Variants in CLYBL observed in about 807,000 individuals in gnomAD.
CLYBL encodes citramalyl-CoA lyase, mitochondrial.
A neutral mutation model predicts 38.9 loss-of-function variants in CLYBL; 31 were observed. The ratio of observed to expected loss-of-function variants is 0.80; its 90% CI spans 0.60 to 1.08. The LOEUF is 1.08. Among genes scored for constraint, CLYBL ranks in the 50% least tolerant of loss-of-function variants. CLYBL has a pLI of 0.00. For synonymous variants in CLYBL, 171 were observed against 158.6 expected, an observed-to-expected ratio of 1.08 and a Z score of -0.59; for missense variants, 434 against 411.6, an observed-to-expected ratio of 1.05 and a Z score of -0.47.
chr13:99,715,439 C>G (rs941114320), intron 1 of CLYBL, among the ~76,000 whole-genome samples: 8 of 144,002 alleles, frequency 5.6e-5, no homozygotes, highest in Non-Finnish European at 1.2e-4. Context: ...TTGAGACAGT[C>G]TCACTCGGAC....
At chr13:99,609,169 GTTTTTTTTTTTTTTT>G (rs58873910) in intron 1 of CLYBL, among the ~76,000 whole-genome samples, 4 of 45,780 alleles carry the variant, frequency 8.7e-5, no homozygotes, top group African/African-American at 3.8e-4. Context: ...ACCTGTCTTT[GTTTTTTTTTTTTTTT>G]TTTTTTTTTT....
rs190820014 is a variant in CLYBL, at chr13:99,716,290, G to A, written c.63-56534G>A. Among the ~76,000 whole-genome samples, 221 of 142,520 alleles carry A rather than the reference G, an allele frequency of 1.6e-3. 1 individual carries two copies. Among genetic ancestry groups the A allele is most frequent in the African/African-American group, 5.2e-3 (203 of 38,866 alleles). 93.5% of individuals were successfully genotyped at this position (142,520 alleles called of 152,430 possible). ...CCTCCCGAATAGCTGAAATACTGGT[G>A]TGCGCCACCATGCCCGGCAGACGTC... On this transcript the variant is annotated intron_variant, in intron 1 of 8. Transcript: ENST00000339105.
intron 2 of CLYBL, among the ~76,000 whole-genome samples, chr13:99,853,175 T>A (rs546631792): frequency 6.6e-6 from 1 of 152,204 alleles, no homozygotes; most frequent in South Asian, 2.1e-4. Context: ...CAAATTCTTT[T>A]CATAGGTTTA....
At chr13:99,835,969 G>A (rs2050925349) in intron 2 of CLYBL, among the ~76,000 whole-genome samples, 1 of 152,206 alleles carries the variant, frequency 6.6e-6, no homozygotes, top group South Asian at 2.1e-4. Context: ...TAAACCAGAT[G>A]ACAACGACAA....
chr13:99,788,107 G>A (rs9557306), intron 2 of CLYBL, among the ~76,000 whole-genome samples: 14 of 151,458 alleles, frequency 9.2e-5, no homozygotes, highest in Non-Finnish European at 1.8e-4. Context: ...GGGCTGAGAC[G>A]ATGGAGTTTT....
At chr13:99,771,151 C>T (rs1023377118) in intron 1 of CLYBL, among the ~76,000 whole-genome samples, 2 of 151,862 alleles carry the variant, frequency 1.3e-5, no homozygotes, top group African/African-American at 4.8e-5. Context: ...ATCCTCCCAC[C>T]TCAGCCTCCT....
chr13:99,835,395 C>G (rs1222541021), intron 2 of CLYBL, among the ~76,000 whole-genome samples: 1 of 152,222 alleles, frequency 6.6e-6, no homozygotes, highest in South Asian at 2.1e-4. Context: ...ATCTGCATGG[C>G]TGATGCCGGC....
intron 7 of CLYBL, among the ~76,000 whole-genome samples, chr13:99,888,553 C>G (rs1291694016): frequency 2.0e-5 from 3 of 152,064 alleles, no homozygotes; most frequent in African/African-American, 7.2e-5. Flanking sequence ...AGTTCGAGAC[C>G]AGCCTGGACA....
At chr13:99,707,520 C>A (rs1374507169) in intron 1 of CLYBL, among the ~76,000 whole-genome samples, 1 of 152,124 alleles carries the variant, frequency 6.6e-6, no homozygotes, top group Non-Finnish European at 1.5e-5. Context: ...GATCTGCCCC[C>A]CTCGGCCTCC....
chr13:99,831,017 T>A (rs1256295645), intron 2 of CLYBL, among the ~76,000 whole-genome samples: 2 of 149,750 alleles, frequency 1.3e-5, no homozygotes, highest in Non-Finnish European at 3.0e-5. Flanking sequence ...AGAAGAGAAG[T>A]CAGACACAGA....
In CLYBL at chr13:99,785,524, C is replaced by T. The variant is rs541241374; in HGVS notation, c.249+12514C>T. Among the ~76,000 whole-genome samples, 28 of 152,000 alleles carry T rather than the reference C, an allele frequency of 1.8e-4. No homozygotes were observed. The East Asian group carries it at 3.7e-3, about 20-fold the overall frequency. On this transcript the variant is annotated intron_variant, in intron 2 of 8. Coordinates refer to ENST00000339105, the MANE Select transcript of CLYBL (RefSeq NM_206808.5). ...AAGCAACCCCCAACCATTATTGTTT[C>T]CCCCTTTCCAGAGACAATCCCTTTT...
chr13:99,775,442 C>T (rs2049491746), intron 2 of CLYBL, among the ~76,000 whole-genome samples: 1 of 152,136 alleles, frequency 6.6e-6, no homozygotes, highest in African/African-American at 2.4e-5. Context: ...TTTTCATTCT[C>T]CTAATGCAGC....
chr13:99,650,264 A>C (rs1000944813), intron 1 of CLYBL, among the ~76,000 whole-genome samples: 12 of 150,840 alleles, frequency 8.0e-5, no homozygotes, highest in Non-Finnish European at 1.6e-4. Context: ...CTCCGTCTCA[A>C]AAAAAAAATC....
At chr13:99,811,979 A>T (rs902933389) in intron 2 of CLYBL, among the ~76,000 whole-genome samples, 3 of 152,216 alleles carry the variant, frequency 2.0e-5, no homozygotes, top group African/African-American at 7.2e-5. Context: ...AGTAGCATGA[A>T]TCCACAATCC....
At chr13:99,613,258 A>G (rs540942616) in intron 1 of CLYBL, among the ~76,000 whole-genome samples, 2 of 152,230 alleles carry the variant, frequency 1.3e-5, no homozygotes, top group Non-Finnish European at 2.9e-5. Context: ...ATGTGCCAGG[A>G]AGGTACTTCA....
chr13:99,760,138 C>T (rs1022746939), intron 1 of CLYBL, among the ~76,000 whole-genome samples: 1 of 152,172 alleles, frequency 6.6e-6, no homozygotes, highest in Non-Finnish European at 1.5e-5. Context: ...GTCTTATGAT[C>T]TTTTATTTCC....
chr13:99,766,829 G>A (rs2049277934), intron 1 of CLYBL, among the ~76,000 whole-genome samples: 1 of 152,138 alleles, frequency 6.6e-6, no homozygotes, highest in African/African-American at 2.4e-5. Flanking sequence ...TGGGAAGGCT[G>A]GCTAGGGGTC....
chr13:99,783,235 G>T (rs375933728), intron 2 of CLYBL, among the ~76,000 whole-genome samples: 2 of 151,748 alleles, frequency 1.3e-5, no homozygotes, highest in Non-Finnish European at 2.9e-5. Flanking sequence ...TAGAGATGGG[G>T]TTTCACCATG....
At chr13:99,672,211 T>G (rs554210339) in intron 1 of CLYBL, among the ~76,000 whole-genome samples, 1 of 151,180 alleles carries the variant, frequency 6.6e-6, no homozygotes, top group South Asian at 2.1e-4. Context: ...TCTTTTTTTT[T>G]TTTTTGAGAC....
Sources: allele counts gnomAD v4.1 joint callset (sites outside exome capture counted in the v4.1 genomes callset), GRCh38; gene constraint gnomAD v4.1.1; transcripts MANE v1.5; gene names NCBI Gene and HGNC (gene_info 2026-07-23, HGNC 2026-07-21).